Variants in ARHGAP24 observed in about 807,000 individuals in gnomAD.
ARHGAP24 encodes the protein Rho GTPase activating protein 24.
A neutral mutation model predicts 76.4 loss-of-function variants in ARHGAP24; 50 were observed. The ratio of observed to expected loss-of-function variants is 0.65; its 90% CI spans 0.52 to 0.83. ARHGAP24 has a LOEUF of 0.83. Among genes scored for constraint, ARHGAP24 ranks in the 40% least tolerant of loss-of-function variants. The pLI is 0.00. For missense variants in ARHGAP24, 930 were observed against 914.2 expected (o/e 1.02, Z -0.22); for synonymous variants, 345 against 323.3 (o/e 1.07, Z -0.72).
intron 4 of ARHGAP24, among the ~76,000 whole-genome samples, chr4:85,926,188 G>A (rs1399384456): frequency 6.6e-6 from 1 of 152,044 alleles, no homozygotes; most frequent in African/African-American, 2.4e-5. Flanking sequence ...AACCTGGAAG[G>A]GACACTCAAA....
chr4:85,587,294 G>T (rs937835290), intron 2 of ARHGAP24, among the ~76,000 whole-genome samples: 24 of 152,182 alleles, frequency 1.6e-4, no homozygotes, highest in African/African-American at 5.6e-4. Context: ...AAGGCCGAAT[G>T]ATGTCGCCAT....
chr4:85,563,453 G>C (rs1268380395), intron 1 of ARHGAP24, among the ~76,000 whole-genome samples: 1 of 152,126 alleles, frequency 6.6e-6, no homozygotes, highest in African/African-American at 2.4e-5. Context: ...TTGTGTGGAT[G>C]CAGAAAAAGA....
chr4:85,499,662 A>G (rs575674532), intron 1 of ARHGAP24, among the ~76,000 whole-genome samples: 1 of 152,322 alleles, frequency 6.6e-6, no homozygotes, highest in South Asian at 2.1e-4. Flanking sequence ...TAGAGAAGGG[A>G]AGCATTAAAC....
At chr4:85,826,893 A>T (rs1188881845) in intron 3 of ARHGAP24, among the ~76,000 whole-genome samples, 2 of 152,234 alleles carry the variant, frequency 1.3e-5, no homozygotes, top group Non-Finnish European at 2.9e-5. Context: ...CAGTTAAGTC[A>T]TTATTTACCT....
chr4:85,896,818 T>G (rs887108090), intron 3 of ARHGAP24, among the ~76,000 whole-genome samples: 1 of 152,190 alleles, frequency 6.6e-6, no homozygotes, highest in African/African-American at 2.4e-5. Flanking sequence ...TCTTTGAATG[T>G]AGATTGGTCT....
intron 3 of ARHGAP24, among the ~76,000 whole-genome samples, chr4:85,859,132 TG>T (rs2110173526): frequency 6.6e-6 from 1 of 151,754 alleles, no homozygotes; most frequent in African/African-American, 2.4e-5. Context: ...AGGGAAAAAA[TG>T]TGAAGGATGG....
intron 3 of ARHGAP24, among the ~76,000 whole-genome samples, chr4:85,883,345 T>A (rs1733364091): frequency 2.0e-5 from 3 of 152,326 alleles, no homozygotes; most frequent in Admixed American, 2.0e-4. Flanking sequence ...ATCAACTGAA[T>A]CACTTGGGTT....
chr4:85,645,129 T>C (rs965522158), intron 2 of ARHGAP24, among the ~76,000 whole-genome samples: 2 of 152,134 alleles, frequency 1.3e-5, no homozygotes, highest in East Asian at 1.9e-4. Context: ...TTAATGTTTG[T>C]TTACTTTGAG....
At chr4:85,554,091 G>A (rs1295324562) in intron 1 of ARHGAP24, among the ~76,000 whole-genome samples, 1 of 152,034 alleles carries the variant, frequency 6.6e-6, no homozygotes, top group Non-Finnish European at 1.5e-5. Context: ...TAAAATTATT[G>A]GTTGCAAATT....
intron 2 of ARHGAP24, among the ~76,000 whole-genome samples, chr4:85,600,390 A>G (rs185580194): frequency 1.6e-4 from 25 of 152,334 alleles, no homozygotes; most frequent in Admixed American, 1.3e-3. Flanking sequence ...TAAATAATTC[A>G]CTGTGCACAT....
chr4:85,742,896 A>C (rs780967343), intron 3 of ARHGAP24, among the ~76,000 whole-genome samples: 6 of 152,220 alleles, frequency 3.9e-5, no homozygotes, highest in Non-Finnish European at 7.3e-5. Flanking sequence ...TATCGATTAA[A>C]CTTGTTAAAA....
intron 3 of ARHGAP24, among the ~76,000 whole-genome samples, chr4:85,779,313 T>C (rs1414622244): frequency 6.6e-6 from 1 of 152,204 alleles, no homozygotes; most frequent in East Asian, 1.9e-4. Flanking sequence ...TTACAAAATG[T>C]ACAGAATGTT....
At chr4:85,934,815 G>T (rs72976258) in intron 4 of ARHGAP24, among the ~76,000 whole-genome samples, 12,677 of 152,200 alleles carry the variant, frequency 0.083, 1,577 homozygotes, top group African/African-American at 0.27. Flanking sequence ...TCGCCCAGCC[G>T]ACAGCTCTTA....
intron 5 of ARHGAP24, among the ~76,000 whole-genome samples, chr4:85,950,249 T>C (rs1485930240): frequency 1.3e-5 from 2 of 152,082 alleles, no homozygotes; most frequent in Non-Finnish European, 2.9e-5. Context: ...TCCCAGCACT[T>C]TGGGAGGCCG....
chr4:85,939,281 C>T (rs1222438457), intron 4 of ARHGAP24, among the ~76,000 whole-genome samples: 5 of 152,002 alleles, frequency 3.3e-5, no homozygotes, highest in Admixed American at 2.0e-4. Context: ...GTAGAATGTA[C>T]TAATATTTTT....
chr4:85,533,193 A>G (rs1478746696), intron 1 of ARHGAP24, among the ~76,000 whole-genome samples: 1 of 152,156 alleles, frequency 6.6e-6, no homozygotes, highest in Admixed American at 6.6e-5. Context: ...ATAAACCTCA[A>G]GGGAAATGTT....
intron 3 of ARHGAP24, among the ~76,000 whole-genome samples, chr4:85,911,196 G>A (rs796833339): frequency 9.2e-5 from 14 of 152,298 alleles, no homozygotes; most frequent in African/African-American, 3.4e-4. Flanking sequence ...AGCCTGGTTT[G>A]GGTGGCTGCA....
intron 4 of ARHGAP24, among the ~76,000 whole-genome samples, chr4:85,935,020 A>G (rs1309932853): frequency 6.6e-6 from 1 of 152,218 alleles, no homozygotes; most frequent in Non-Finnish European, 1.5e-5. Flanking sequence ...GGTGAGGTAC[A>G]GTGTTACTAT....
At chr4:85,638,078 C>G (rs78669462) in intron 2 of ARHGAP24, among the ~76,000 whole-genome samples, 1 of 152,076 alleles carries the variant, frequency 6.6e-6, no homozygotes, top group Non-Finnish European at 1.5e-5. Context: ...AGGAATATGG[C>G]AAAGCCTTGT....
Sources: gnomAD v4.1 joint callset for allele counts (sites outside exome capture counted in the v4.1 genomes callset) on GRCh38, gnomAD v4.1.1 for gene constraint, MANE v1.5 for transcripts, NCBI Gene and HGNC (gene_info 2026-07-23, HGNC 2026-07-21) for gene names.